Variants in WWC1 observed in about 807,000 individuals in gnomAD.
WWC1 encodes the protein protein KIBRA.
In WWC1, 55 loss-of-function variants were observed where a neutral mutation model predicts 138.4. The ratio of observed to expected loss-of-function variants is 0.40; its 90% CI spans 0.32 to 0.50. The LOEUF is 0.50. WWC1 is among the 20% of genes least tolerant of loss of function. The pLI, the probability that WWC1 is intolerant of heterozygous loss-of-function variation, is 0.72. For missense variants in WWC1, 1,226 were observed against 1,420.4 expected (o/e 0.86, Z 2.20); for synonymous variants, 524 against 564.9 (o/e 0.93, Z 1.03).
At chr5:168,427,985 A>G (rs1034476399) in intron 11 of WWC1, 48 bp from the exon 12 acceptor site, 1 of 1,550,446 alleles carries the variant, frequency 6.4e-7, no homozygotes, top group African/African-American at 1.4e-5. Flanking sequence ...GGAGTCGCAA[A>G]GGCAGTTTCC....
intron 1 of WWC1, among the ~76,000 whole-genome samples, chr5:168,324,765 A>G (rs928206977): frequency 6.6e-6 from 1 of 152,238 alleles, no homozygotes; most frequent in African/African-American, 2.4e-5. Flanking sequence ...ACAAGACTCA[A>G]GTATATAGCC....
chr5:168,428,175 C>T, intron 12 of WWC1, 34 bp downstream of exon 12: 1 of 1,593,722 alleles, frequency 6.3e-7, no homozygotes, highest in Non-Finnish European at 8.6e-7. Context: ...CTCTGTGGCC[C>T]TGTAAGCCAT....
intron 2 of WWC1, among the ~76,000 whole-genome samples, chr5:168,372,060 T>C (rs1776801578): frequency 1.5e-5 from 1 of 68,138 alleles, no homozygotes; most frequent in Admixed American, 1.5e-4. Context: ...TGTTTGTGTG[T>C]GTGTGTGTGT....
Position 168,372,181 on chromosome 5 carries a change from G to T in WWC1, c.229+648G>T, listed in dbSNP as rs76259070. Among the ~76,000 whole-genome samples, 525 of 151,834 alleles carry T rather than the reference G, an allele frequency of 3.5e-3. 5 individuals carry two copies. The highest frequency in any genetic ancestry group is 0.012 in the African/African-American group (508 of 41,392). On this transcript the variant is annotated intron_variant, in intron 2 of 22. Transcript: ENST00000265293. ...CGTTACAAAGATTCCTAGTACCTCT[G>T]TCTCTGGGACTGTGATGGAGGAATG...
chr5:168,372,040 A>T (rs62384065), intron 2 of WWC1, among the ~76,000 whole-genome samples: 17 of 115,964 alleles, frequency 1.5e-4, no homozygotes, highest in Non-Finnish European at 1.4e-4. Context: ...AGAGAGAGAG[A>T]GAAAGAGTGT....
At chr5:168,348,592 G>C (rs958761975) in intron 1 of WWC1, among the ~76,000 whole-genome samples, 3 of 152,200 alleles carry the variant, frequency 2.0e-5, no homozygotes, top group Non-Finnish European at 2.9e-5. Context: ...ACATTTGCCA[G>C]CTGGGGGTGC....
intron 15 of WWC1, among the ~76,000 whole-genome samples, chr5:168,440,059 T>TA: frequency 6.6e-6 from 1 of 152,224 alleles, no homozygotes; most frequent in South Asian, 2.1e-4. Context: ...CCTCAGTACC[T>TA]AACACAGAAC....
chr5:168,318,684 C>T (rs1350105685), intron 1 of WWC1, among the ~76,000 whole-genome samples: 3 of 151,950 alleles, frequency 2.0e-5, no homozygotes, highest in Non-Finnish European at 4.4e-5. Flanking sequence ...CTCAGCCTCC[C>T]AAATAGCTGG....
chr5:168,312,628 C>A (rs1771216755), intron 1 of WWC1, among the ~76,000 whole-genome samples: 1 of 152,104 alleles, frequency 6.6e-6, no homozygotes, highest in Non-Finnish European at 1.5e-5. Flanking sequence ...ACTTCATGGC[C>A]CCAGCCTATG....
At chr5:168,295,717 G>A (rs1328159386) in intron 1 of WWC1, among the ~76,000 whole-genome samples, 3 of 152,154 alleles carry the variant, frequency 2.0e-5, no homozygotes, top group African/African-American at 7.2e-5. Context: ...TGTTTTGTGT[G>A]CTGGCCGGCC....
chr5:168,302,493 G>T (rs979559191), intron 1 of WWC1, among the ~76,000 whole-genome samples: 13 of 152,156 alleles, frequency 8.5e-5, no homozygotes, highest in African/African-American at 2.7e-4. Flanking sequence ...GACAGACCTG[G>T]TGACACCTGT....
intron 15 of WWC1, among the ~76,000 whole-genome samples, chr5:168,433,170 T>TCTCTGAAGACTAACTAAGGCG (rs1325531723): frequency 6.6e-6 from 1 of 152,222 alleles, no homozygotes; most frequent in African/African-American, 2.4e-5. Context: ...TGGAGGTGGT[T>TCTCTGAAGACTAACTAAGGCG]CTCTGAAGAC....
intron 2 of WWC1, among the ~76,000 whole-genome samples, chr5:168,375,078 C>T (rs1051892225): frequency 6.6e-6 from 1 of 152,092 alleles, no homozygotes; most frequent in Non-Finnish European, 1.5e-5. Context: ...TCTGAGAGGA[C>T]ATGTGGCTTG....
intron 1 of WWC1, among the ~76,000 whole-genome samples, chr5:168,360,781 C>T (rs1220166700): frequency 6.6e-6 from 1 of 152,236 alleles, no homozygotes; most frequent in East Asian, 1.9e-4. Flanking sequence ...GAAAAGTCTT[C>T]ACGGTCAATT....
At chr5:168,464,652 G>A in intron 20 of WWC1, 77 bp from the exon 21 acceptor site, 2 of 1,576,026 alleles carry the variant, frequency 1.3e-6, no homozygotes, top group Non-Finnish European at 8.6e-7. Flanking sequence ...GAGGGTATTT[G>A]AGGGTCAGAG....
chr5:168,310,383 A>G (rs757285532), intron 1 of WWC1, among the ~76,000 whole-genome samples: 14 of 151,088 alleles, frequency 9.3e-5, no homozygotes, highest in Non-Finnish European at 1.5e-4. Context: ...TATTTATCTA[A>G]ACCATTTAAA....
At chr5:168,408,696 G>A in intron 7 of WWC1, 43 bp downstream of exon 7, 2 of 1,608,360 alleles carry the variant, frequency 1.2e-6, no homozygotes, top group Non-Finnish European at 1.7e-6. Flanking sequence ...CCACAGGATG[G>A]CAGCTGGGAG....
At chr5:168,362,984 C>G (rs1775990670) in intron 1 of WWC1, among the ~76,000 whole-genome samples, 1 of 152,066 alleles carries the variant, frequency 6.6e-6, no homozygotes, top group Admixed American at 6.6e-5. Context: ...ATGGGAATAA[C>G]TAGGCCAAGA....
rs535733781 is a variant in WWC1, at chr5:168,388,604, TG to T, written c.433+3192del. 1.3e-4 allele frequency among the ~76,000 whole-genome samples: 19 copies of T among 151,978 alleles called. 1 individual carries two copies. In the South Asian group the frequency reaches 3.5e-3, roughly 28 times the overall value. On this transcript the variant is annotated intron_variant, in intron 3 of 22. Transcript: ENST00000265293. ...CAGCAATTTGGGAGGCCGAGGTAGG[TG>T]GATCAATTGAGGTCAGGAGTTTGAG...
Sources: gnomAD v4.1 joint callset for allele counts (sites outside exome capture counted in the v4.1 genomes callset) on GRCh38, gnomAD v4.1.1 for gene constraint, MANE v1.5 for transcripts, NCBI Gene and HGNC (gene_info 2026-07-23, HGNC 2026-07-21) for gene names.